The following SUCLG2 variants were observed in gnomAD, a reference collection of about 807,000 sequenced individuals.
The protein encoded by SUCLG2 is succinate--CoA ligase [GDP-forming] subunit beta, mitochondrial.
A neutral mutation model predicts 47.9 loss-of-function variants in SUCLG2; 42 were observed. The ratio of observed to expected loss-of-function variants is 0.88; its 90% CI spans 0.69 to 1.14. The LOEUF (loss-of-function observed/expected upper bound fraction) is 1.14. SUCLG2 is among the 50% of genes most tolerant of loss of function. The pLI is 0.00. For missense variants in SUCLG2, 571 were observed against 525.9 expected, an observed-to-expected ratio of 1.09 and a Z score of -0.84; for synonymous variants, 195 against 197.3, an observed-to-expected ratio of 0.99 and a Z score of 0.10.
At chr3:67,529,454 C>T (rs1677110604) in intron 2 of SUCLG2, among the ~76,000 whole-genome samples, 1 of 152,172 alleles carries the variant, frequency 6.6e-6, no homozygotes, top group African/African-American at 2.4e-5. Flanking sequence ...ACATGTGTTC[C>T]CTTGCTCTTT....
intron 9 of SUCLG2, chr3:67,409,016 T>C: frequency 6.5e-7 from 1 of 1,535,428 alleles, no homozygotes; most frequent in Non-Finnish European, 8.7e-7. Flanking sequence ...CAAGTATTTC[T>C]TGCTTTCAAA....
intron 4 of SUCLG2, among the ~76,000 whole-genome samples, chr3:67,522,545 C>T (rs531116923): frequency 2.2e-4 from 34 of 151,840 alleles, no homozygotes; most frequent in African/African-American, 6.5e-4. Flanking sequence ...TTCCAACTTA[C>T]GCACCTAACA....
Position 67,375,906 on chromosome 3 carries a change from G to T in SUCLG2, c.1184-47C>A, listed in dbSNP as rs773612094. 2.6e-5 allele frequency: 42 copies of T among 1,588,830 alleles called. No homozygotes were observed. The South Asian group carries it at 4.7e-4, about 18-fold the overall frequency. On this transcript the variant is annotated intron_variant, in intron 10 of 10. Transcript: ENST00000307227. The stretch of plus-strand genomic sequence containing the variant: ...ATCACTGAATGAAACTAGAGGTGGC[G>T]CCTTATGAAGTTTGCACAAGGACAC...
At chr3:67,645,224 C>A (rs974996803) in intron 1 of SUCLG2, among the ~76,000 whole-genome samples, 1 of 151,984 alleles carries the variant, frequency 6.6e-6, no homozygotes, top group African/African-American at 2.4e-5. Context: ...ATATTTTATA[C>A]AAAATATAGT....
At chr3:67,421,481 G>A (rs188233953) in intron 9 of SUCLG2, among the ~76,000 whole-genome samples, 23 of 152,242 alleles carry the variant, frequency 1.5e-4, no homozygotes, top group African/African-American at 4.8e-4. Flanking sequence ...CAGGACCTTG[G>A]ACACATCTCT....
intron 1 of SUCLG2, among the ~76,000 whole-genome samples, chr3:67,654,108 A>G (rs1336433580): frequency 1.3e-5 from 2 of 152,248 alleles, no homozygotes; most frequent in Admixed American, 6.5e-5. Context: ...AAACGTGCTC[A>G]GGGTTAGTGC....
chr3:67,485,302 T>C (rs1351899308), intron 9 of SUCLG2, among the ~76,000 whole-genome samples: 2 of 152,218 alleles, frequency 1.3e-5, no homozygotes, highest in East Asian at 3.8e-4. Flanking sequence ...GTTATAAAAC[T>C]GTTATGTACC....
chr3:67,566,091 G>T (rs1186496405), intron 2 of SUCLG2, among the ~76,000 whole-genome samples: 1 of 152,204 alleles, frequency 6.6e-6, no homozygotes, highest in Non-Finnish European at 1.5e-5. Flanking sequence ...CTTAAGACAA[G>T]ATTTTGCATT....
At chr3:67,594,041 C>G (rs1272959095) in intron 2 of SUCLG2, among the ~76,000 whole-genome samples, 1 of 152,214 alleles carries the variant, frequency 6.6e-6, no homozygotes, top group Non-Finnish European at 1.5e-5. Context: ...TATACCCACA[C>G]CTAGCCCACA....
At chr3:67,415,200 A>T (rs925070491) in intron 9 of SUCLG2, among the ~76,000 whole-genome samples, 24 of 152,202 alleles carry the variant, frequency 1.6e-4, no homozygotes, top group African/African-American at 4.3e-4. Flanking sequence ...TTCGAATGGA[A>T]AACTGTTACA....
chr3:67,531,408 T>C (rs1559560257), intron 2 of SUCLG2, among the ~76,000 whole-genome samples: 1 of 152,202 alleles, frequency 6.6e-6, no homozygotes, highest in African/African-American at 2.4e-5. Flanking sequence ...CCAGAGAGAA[T>C]ACCTAATTGG....
intron 2 of SUCLG2, among the ~76,000 whole-genome samples, chr3:67,536,821 T>C (rs1425001357): frequency 1.3e-5 from 2 of 152,204 alleles, no homozygotes; most frequent in Non-Finnish European, 2.9e-5. Flanking sequence ...AGGAGGGCCA[T>C]CTGCTTAGGG....
intron 10 of SUCLG2, among the ~76,000 whole-genome samples, chr3:67,362,172 C>T (rs147353304): frequency 2.6e-5 from 4 of 152,262 alleles, no homozygotes; most frequent in Admixed American, 6.5e-5. Context: ...TACTTTCCAA[C>T]ACTTCCCTGT....
At chr3:67,457,320 A>T (rs942719431) in intron 9 of SUCLG2, among the ~76,000 whole-genome samples, 2 of 152,238 alleles carry the variant, frequency 1.3e-5, no homozygotes, top group Non-Finnish European at 2.9e-5. Flanking sequence ...TCTCCTAAAA[A>T]TGTCATGCTC....
intron 2 of SUCLG2, among the ~76,000 whole-genome samples, chr3:67,593,982 T>C (rs1373708620): frequency 1.3e-5 from 2 of 152,218 alleles, no homozygotes; most frequent in Admixed American, 6.5e-5. Flanking sequence ...TGAAACATAC[T>C]TGCAGTTGGG....
At chr3:67,373,559 T>C (rs868730523), downstream of SUCLG2, among the ~76,000 whole-genome samples, 12 of 152,140 alleles carry the variant, frequency 7.9e-5, no homozygotes, top group Non-Finnish European at 1.6e-4. Context: ...ATGGCCTATA[T>C]TTATTGTATA....
chr3:67,512,420 G>T lies in SUCLG2; in HGVS notation c.661-3517C>A, dbSNP rs1705817457. 2.7e-5 allele frequency among the ~76,000 whole-genome samples: 4 copies of T among 150,902 alleles called. 1 individual carries two copies. The highest frequency in any genetic ancestry group is 2.6e-4 in the Admixed American group (4 of 15,232). ...GACCTTGCAATGTGAGTTGCATGGG[G>T]CAGGCATCTTATGTATCCTGGGCAC... On this transcript the variant is annotated intron_variant, in intron 6 of 10. Coordinates refer to ENST00000307227, the MANE Select transcript of SUCLG2 (RefSeq NM_003848.4).
chr3:67,435,533 G>A (rs1165532192), intron 9 of SUCLG2, among the ~76,000 whole-genome samples: 1 of 152,150 alleles, frequency 6.6e-6, no homozygotes, highest in Admixed American at 6.6e-5. Flanking sequence ...AGTTCAAATT[G>A]CAGCAGCCCT....
chr3:67,369,089 G>T (rs931506198), intron 10 of SUCLG2, among the ~76,000 whole-genome samples: 1 of 151,996 alleles, frequency 6.6e-6, no homozygotes, highest in Non-Finnish European at 1.5e-5. Flanking sequence ...TGATTTATTG[G>T]TCAGTTCTTG....
Sources: allele counts gnomAD v4.1 joint callset (sites outside exome capture counted in the v4.1 genomes callset), GRCh38; gene constraint gnomAD v4.1.1; transcripts MANE v1.5; gene names NCBI Gene and HGNC (gene_info 2026-07-23, HGNC 2026-07-21).